The following PIGN variants were observed in gnomAD, a reference collection of about 807,000 sequenced individuals.
PIGN encodes the protein GPI ethanolamine phosphate transferase 1.
Under a neutral mutation model 125.4 loss-of-function variants are expected in PIGN, and 117 were observed. The ratio of observed to expected loss-of-function variants is 0.93; its 90% confidence interval spans 0.80 to 1.09. The LOEUF (loss-of-function observed/expected upper bound fraction) is 1.09. Ranked by LOEUF, PIGN falls within the 50% of genes least tolerant of loss-of-function variation. The pLI, the probability that PIGN is intolerant of heterozygous loss-of-function variation, is 0.00. For synonymous variants in PIGN, 392 were observed against 377.8 expected (o/e 1.04, Z -0.44); for missense variants, 1,075 against 1,094.9 (o/e 0.98, Z 0.26).
chr18:62,121,993 G>A (rs1468591451), intron 14 of PIGN, among the ~76,000 whole-genome samples: 1 of 152,058 alleles, frequency 6.6e-6, no homozygotes, highest in Non-Finnish European at 1.5e-5. Context: ...CCCACCAACA[G>A]TACACAGGGA....
chr18:62,074,792 T>C lies in PIGN; in HGVS notation c.2606A>G (p.Asp869Gly). ...SLFLIVLVIS[D>G]IMALHFFFLV... is the part of the protein sequence containing the mutation. ...GTAATGCCTTACCAAAGCCATAATG[T>C]CTGATATGACGAGAACAATGAGAAA... Residue 869 changes from aspartate to glycine, a missense_variant, in exon 29 of 31, where the codon GAC (aspartate) becomes GGC (glycine). Transcript: ENST00000640252. The C allele has an allele frequency of 6.2e-7, 1 of 1,606,482 alleles. No individual in the cohort carries two copies. The highest frequency in any genetic ancestry group is 8.5e-7 in the Non-Finnish European group (1 of 1,174,058).
intron 15 of PIGN, among the ~76,000 whole-genome samples, chr18:62,113,949 T>C (rs899006744): frequency 2.0e-5 from 3 of 152,198 alleles, no homozygotes; most frequent in Non-Finnish European, 4.4e-5. Flanking sequence ...AATGTATAGA[T>C]AATTCCAAGT....
chr18:62,127,862 T>C (rs779382222), intron 14 of PIGN, among the ~76,000 whole-genome samples: 3 of 151,876 alleles, frequency 2.0e-5, no homozygotes, highest in Non-Finnish European at 2.9e-5. Flanking sequence ...ACTCCAATTA[T>C]CCAGGCCATA....
intron 16 of PIGN, among the ~76,000 whole-genome samples, chr18:62,112,041 A>C (rs1239039255): frequency 6.6e-6 from 1 of 152,174 alleles, no homozygotes; most frequent in Non-Finnish European, 1.5e-5. Context: ...CTCACATGCT[A>C]TCTGAGTGGC....
In PIGN at chr18:62,020,265, C is replaced by T. The variant is rs116496832; in HGVS notation, c.2143-2524G>A. Among the ~76,000 whole-genome samples, 380 of 152,334 alleles carry T rather than the reference C, an allele frequency of 2.5e-3. 1 individual carries two copies. The highest frequency in any genetic ancestry group is 8.3e-3 in the African/African-American group (343 of 41,574). On this transcript the variant is annotated intron_variant, in intron 23 of 24. Transcript: ENST00000639600. ...CAGGGCTTTAAACCAACACTGGGAACTACCAAGATGATCTGTAAGGAAACG... is the reference window on the plus strand; with the variant it reads ...CAGGGCTTTAAACCAACACTGGGAATTACCAAGATGATCTGTAAGGAAACG...
At chr18:62,022,580 A>C (rs1415853781) in intron 23 of PIGN, among the ~76,000 whole-genome samples, 4 of 152,202 alleles carry the variant, frequency 2.6e-5, no homozygotes, top group Non-Finnish European at 5.9e-5. Flanking sequence ...AAACACTCTT[A>C]ATAGTCAAGG....
chr18:62,138,075 C>A, intron 14 of PIGN, 168 bp downstream of exon 14: 1 of 916,426 alleles, frequency 1.1e-6, no homozygotes, highest in Non-Finnish European at 1.6e-6. Context: ...TAGCACCTGG[C>A]TCATTATTTA....
At position 62,176,253 on chromosome 18, in the gene PIGN, A is replaced by G. The variant is rs1050975724; in HGVS notation, c.-236+10591T>C. Among the ~76,000 whole-genome samples, 8 of 152,260 alleles carry G rather than the reference A, an allele frequency of 5.3e-5. No individual in the cohort carries two copies. In the East Asian group the frequency reaches 1.4e-3, roughly 26 times the overall value. On this transcript the variant is annotated intron_variant, in intron 1 of 30. Transcript: ENST00000640252. The stretch of plus-strand genomic sequence containing the variant: ...GAGATATTAATGAGTTTAGAATCCC[A>G]TATCTCTTTTTTACAGAATAATTTC...
intron 7 of PIGN, among the ~76,000 whole-genome samples, chr18:62,151,643 T>C (rs2036539791): frequency 6.6e-6 from 1 of 152,212 alleles, no homozygotes; most frequent in African/African-American, 2.4e-5. Flanking sequence ...TTGACCTCGC[T>C]GCTCACTTGG....
intron 23 of PIGN, among the ~76,000 whole-genome samples, chr18:62,029,792 T>G (rs1474463295): frequency 6.6e-6 from 1 of 152,210 alleles, no homozygotes; most frequent in Non-Finnish European, 1.5e-5. Flanking sequence ...GTGACATGCA[T>G]CTGCAGCTCA....
At chr18:62,088,956 C>A in intron 24 of PIGN, 114 bp from the exon 25 acceptor site, 1 of 619,902 alleles carries the variant, frequency 1.6e-6, no homozygotes, top group Non-Finnish European at 2.9e-6. Flanking sequence ...CCTGTGCTGA[C>A]AAAAAAATAA....
intron 1 of PIGN, among the ~76,000 whole-genome samples, chr18:62,165,610 G>T (rs2037106432): frequency 6.6e-6 from 1 of 152,170 alleles, no homozygotes; most frequent in Non-Finnish European, 1.5e-5. Flanking sequence ...GCAGACAGTT[G>T]CTGTGAAACT....
At chr18:62,160,858 G>A (rs1266882102) in intron 4 of PIGN, among the ~76,000 whole-genome samples, 2 of 152,160 alleles carry the variant, frequency 1.3e-5, no homozygotes, top group East Asian at 1.9e-4. Context: ...CTTGAGCCAA[G>A]TTTGGGAAAT....
Position 62,045,708 on chromosome 18 carries a change from A to G in PIGN, c.*148T>C. On this transcript the variant is annotated 3_prime_UTR_variant, in exon 31 of 31. Coordinates refer to ENST00000640252, the MANE Select transcript of PIGN (RefSeq NM_176787.5). ...AAAAGAAGCTCCTTTGTTCCAGATA[A>G]CCTGTCAATTCGGAATTCCAAATAC... The G allele has an allele frequency of 1.5e-6, 1 of 666,162 alleles. No individual in the cohort carries two copies. Among genetic ancestry groups the G allele is most frequent in the South Asian group, 2.9e-5 (1 of 34,390 alleles). The allele number at this position is 666,162 out of a possible 1,614,324, so 41.3% of individuals were successfully genotyped here. A position where few individuals can be genotyped will look rare whatever the true frequency, so the allele number is the denominator to read the frequency against.
At chr18:62,089,257 T>C (rs954144563) in intron 24 of PIGN, among the ~76,000 whole-genome samples, 5 of 152,134 alleles carry the variant, frequency 3.3e-5, no homozygotes, top group African/African-American at 1.2e-4. Context: ...GTTTGTTTAT[T>C]TGTCCCTCTA....
At chr18:62,056,147 G>C (rs2031712364) in intron 30 of PIGN, among the ~76,000 whole-genome samples, 1 of 147,124 alleles carries the variant, frequency 6.8e-6, no homozygotes, top group African/African-American at 2.5e-5. Context: ...AATCAATACC[G>C]AAAGCTAAAA....
intron 1 of PIGN, among the ~76,000 whole-genome samples, chr18:62,175,633 T>C (rs1382942257): frequency 1.3e-5 from 2 of 152,216 alleles, no homozygotes; most frequent in East Asian, 3.9e-4. Flanking sequence ...ATTACAGGTG[T>C]AAGCCACCAC....
chr18:62,133,930 A>T (rs2035831569), intron 14 of PIGN, among the ~76,000 whole-genome samples: 1 of 152,186 alleles, frequency 6.6e-6, no homozygotes, highest in South Asian at 2.1e-4. Context: ...GTTTTTAGTT[A>T]TTCCGGTACT....
intron 17 of PIGN, 92 bp downstream of exon 17, chr18:62,109,742 G>T: frequency 9.4e-7 from 1 of 1,064,474 alleles, no homozygotes; most frequent in Non-Finnish European, 1.4e-6. Flanking sequence ...AAATATATTT[G>T]ATGACTTATG....
Sources: gnomAD v4.1 joint callset for allele counts (sites outside exome capture counted in the v4.1 genomes callset) on GRCh38, gnomAD v4.1.1 for gene constraint, MANE v1.5 for transcripts, NCBI Gene and HGNC (gene_info 2026-07-23, HGNC 2026-07-21) for gene names.